The following CDC16 variants were observed in gnomAD, a reference collection of about 807,000 sequenced individuals.
The protein encoded by CDC16 is cell division cycle protein 16 homolog.
In CDC16, 34 loss-of-function variants were observed where a neutral mutation model predicts 87.0. That is an observed-to-expected ratio of 0.39 (90% CI 0.30 to 0.52). The LOEUF (loss-of-function observed/expected upper bound fraction) is 0.52. CDC16 is among the 20% of genes least tolerant of loss of function. The pLI, the probability that CDC16 is intolerant of heterozygous loss-of-function variation, is 0.74. For missense variants in CDC16, 653 were observed against 751.9 expected (o/e 0.87, Z 1.54); for synonymous variants, 263 against 260.6 (o/e 1.01, Z -0.09).
At position 114,239,040 on chromosome 13, in the gene CDC16, CAT is replaced by C; in HGVS notation, c.240+14_240+15del. Reference sequence around the variant, plus strand: ...CAGCTAGGTGCCATGTAAGTATGCTCATAATTTCATTTTTATTTGGTTGAATA... The same window carrying C: ...CAGCTAGGTGCCATGTAAGTATGCTCAATTTCATTTTTATTTGGTTGAATA... On this transcript the variant is annotated intron_variant, in intron 4 of 17. Coordinates refer to ENST00000356221, the MANE Select transcript of CDC16 (RefSeq NM_001078645.3). 1 of 1,593,968 alleles carries C rather than the reference CAT, an allele frequency of 6.3e-7. No homozygotes were observed. Among genetic ancestry groups the C allele is most frequent in the Non-Finnish European group, 8.5e-7 (1 of 1,174,562 alleles).
intron 5 of CDC16, among the ~76,000 whole-genome samples, chr13:114,240,747 G>GGTTTTT (rs897645486): frequency 6.6e-6 from 1 of 152,016 alleles, no homozygotes; most frequent in East Asian, 1.9e-4. Context: ...ACACATTCTA[G>GGTTTTT]GTTTTTGTTT....
chr13:114,266,466 A>T (rs17338340), intron 17 of CDC16, among the ~76,000 whole-genome samples: 10,326 of 152,234 alleles, frequency 0.068, 674 homozygotes, highest in East Asian at 0.35. Context: ...TTAAAAATGC[A>T]TGTTCCCATA....
At chr13:114,241,817 A>T (rs1480549467) in intron 5 of CDC16, among the ~76,000 whole-genome samples, 1 of 152,234 alleles carries the variant, frequency 6.6e-6, no homozygotes, top group Non-Finnish European at 1.5e-5. Flanking sequence ...TCGGGAGGCC[A>T]AAGTGGGAGG....
chr13:114,251,495 C>G (rs906198526), intron 12 of CDC16, among the ~76,000 whole-genome samples: 1 of 152,180 alleles, frequency 6.6e-6, no homozygotes, highest in Non-Finnish European at 1.5e-5. Context: ...GGGGTGGAAT[C>G]ATATATTTAT....
At chr13:114,257,298 A>T in intron 13 of CDC16, 68 bp downstream of exon 13, 487 of 847,208 alleles carry the variant, frequency 5.7e-4, no homozygotes, top group East Asian at 8.9e-4. Flanking sequence ...TGATCACTAG[A>T]GTTCACTGAC....
At chr13:114,263,186 T>A (rs1246449979) in intron 16 of CDC16, among the ~76,000 whole-genome samples, 172 bp downstream of exon 16, 2 of 152,254 alleles carry the variant, frequency 1.3e-5, no homozygotes, top group African/African-American at 2.4e-5. Flanking sequence ...ACAGTATTCA[T>A]CAAATTAGAA....
intron 17 of CDC16, among the ~76,000 whole-genome samples, chr13:114,271,379 C>A (rs1355780363): frequency 1.3e-5 from 2 of 152,164 alleles, no homozygotes; most frequent in African/African-American, 2.4e-5. Context: ...CTGTTCAAAT[C>A]TATATTACCC....
chr13:114,270,088 G>T (rs1009398547), intron 17 of CDC16, among the ~76,000 whole-genome samples: 8 of 149,434 alleles, frequency 5.4e-5, no homozygotes, highest in Admixed American at 4.6e-4. Flanking sequence ...GTTCATTCTC[G>T]CATTGCTGTA....
rs142063585 is a variant in CDC16, at chr13:114,258,864, G to A, written c.1251-471G>A. ...TGTAATCCCAGCACTTTGGGAGGCC[G>A]AGATGGGCATATTGCTTGAGGCCAG... On this transcript the variant is annotated intron_variant, in intron 13 of 17. Coordinates refer to ENST00000356221, the MANE Select transcript of CDC16 (RefSeq NM_001078645.3). Among the ~76,000 whole-genome samples, 1,482 of 152,142 alleles carry A rather than the reference G, an allele frequency of 9.7e-3. 22 individuals carry two copies. The highest frequency in any genetic ancestry group is 0.034 in the African/African-American group (1,407 of 41,494).
chr13:114,247,366 C>G (rs988399849), intron 11 of CDC16: 3 of 206,928 alleles, frequency 1.4e-5, no homozygotes, highest in Non-Finnish European at 2.9e-5. Flanking sequence ...ACGAATCTCA[C>G]TGTGTTGCCT....
chr13:114,267,945 A>G (rs1450493087), intron 17 of CDC16, among the ~76,000 whole-genome samples: 1 of 152,222 alleles, frequency 6.6e-6, no homozygotes, highest in Non-Finnish European at 1.5e-5. Flanking sequence ...AGGAGCAATT[A>G]GGTAGGAAAT....
intron 11 of CDC16, chr13:114,247,214 G>A: frequency 1.8e-6 from 1 of 552,414 alleles, no homozygotes; most frequent in Non-Finnish European, 3.2e-6. Flanking sequence ...TTCTCACTCT[G>A]TTGCCCAGAC....
intron 3 of CDC16, among the ~76,000 whole-genome samples, chr13:114,237,490 C>G (rs780578704): frequency 5.9e-5 from 9 of 152,064 alleles, no homozygotes; most frequent in Admixed American, 3.9e-4. Flanking sequence ...CAGAGCCTCA[C>G]TATGTTGCCC....
chr13:114,250,384 C>T (rs529270319), intron 11 of CDC16, among the ~76,000 whole-genome samples, 165 bp from the exon 12 acceptor site: 43 of 150,684 alleles, frequency 2.9e-4, no homozygotes, highest in African/African-American at 9.5e-4. Context: ...CCCAGCTACT[C>T]GGGAGGTTGA....
chr13:114,248,421 CTG>C (rs2081981170), intron 11 of CDC16, among the ~76,000 whole-genome samples: 1 of 152,216 alleles, frequency 6.6e-6, no homozygotes, highest in African/African-American at 2.4e-5. Flanking sequence ...TGGCTCACGC[CTG>C]TAATCCCAAC....
At chr13:114,258,579 A>G (rs2082648855) in intron 13 of CDC16, among the ~76,000 whole-genome samples, 2 of 152,208 alleles carry the variant, frequency 1.3e-5, no homozygotes, top group Non-Finnish European at 2.9e-5. Context: ...GCTTCATTCA[A>G]GCAGGCATCA....
intron 3 of CDC16, among the ~76,000 whole-genome samples, chr13:114,237,213 A>G (rs1453972869): frequency 2.1e-4 from 31 of 149,526 alleles, no homozygotes; most frequent in Admixed American, 4.6e-4. Context: ...ACAGAGCAAG[A>G]CTCTGTCTCA....
chr13:114,270,257 C>T (rs1257469716), intron 17 of CDC16, among the ~76,000 whole-genome samples: 20 of 152,084 alleles, frequency 1.3e-4, no homozygotes, highest in Non-Finnish European at 1.5e-5. Context: ...GGAGCCAGCA[C>T]TTGACATATC....
At chr13:114,266,953 C>T (rs2083264042) in intron 17 of CDC16, among the ~76,000 whole-genome samples, 1 of 152,014 alleles carries the variant, frequency 6.6e-6, no homozygotes, top group African/African-American at 2.4e-5. Flanking sequence ...TCCTCGGCCT[C>T]CCAAAGTGCT....
Sources: allele counts gnomAD v4.1 joint callset (sites outside exome capture counted in the v4.1 genomes callset), GRCh38; gene constraint gnomAD v4.1.1; transcripts MANE v1.5; gene names NCBI Gene and HGNC (gene_info 2026-07-23, HGNC 2026-07-21).